The following CPSF6 variants were observed in gnomAD, a reference collection of about 807,000 sequenced individuals.
CPSF6 encodes the protein cleavage and polyadenylation specificity factor subunit 6.
CPSF6 carries 10 observed loss-of-function variants against 56.7 expected under a neutral mutation model. The ratio of observed to expected loss-of-function variants is 0.18; its 90% confidence interval spans 0.11 to 0.30. CPSF6 has a LOEUF of 0.30. Among genes scored for constraint, CPSF6 ranks in the 10% least tolerant of loss-of-function variants. The pLI, the probability that CPSF6 is intolerant of heterozygous loss-of-function variation, is 1.00. For missense variants in CPSF6, 419 were observed against 722.9 expected (o/e 0.58, Z 4.82); for synonymous variants, 248 against 244.8 (o/e 1.01, Z -0.12).
chr12:69,258,741 A>G lies in CPSF6; in HGVS notation c.846A>G (p.Gln282=), dbSNP rs915020217. ...CACCACCAGTTCTTTTTCCTGGACA[A>G]CCTTTTGGGCAGCCTCCATTGGGTC... ...RPPPPVLFPG[Q]PFGQPPLGPL... The change falls in exon 6 of 10, where the codon CAA becomes CAG. Residue 282 remains glutamine (Q), a synonymous_variant. Transcript: ENST00000435070. The surrounding 1 kb of genome is among the most constrained non-coding windows in gnomAD (Gnocchi z 4.2). The G allele has an allele frequency of 1.1e-5, 18 of 1,613,476 alleles. No homozygotes were observed. The highest frequency in any genetic ancestry group is 6.7e-5 in the East Asian group (3 of 44,872).
intron 1 of CPSF6, among the ~76,000 whole-genome samples, chr12:69,249,779 T>G (rs1872135243): frequency 6.6e-6 from 1 of 152,234 alleles, no homozygotes; most frequent in African/African-American, 2.4e-5. Context: ...TCATTTTTCA[T>G]GTACTTAGTT....
In CPSF6 at chr12:69,256,122, A is replaced by T. The variant is rs149541986; in HGVS notation, c.375-575A>T. 2.1e-3 allele frequency among the ~76,000 whole-genome samples: 324 copies of T among 152,330 alleles called. 3 individuals carry two copies. The highest frequency in any genetic ancestry group is 7.1e-3 in the African/African-American group (297 of 41,576). On this transcript the variant is annotated intron_variant, in intron 3 of 9. Transcript: ENST00000435070. The stretch of plus-strand genomic sequence containing the variant: ...ATGCTAGTTAAAGAAGGCTGGTCAC[A>T]AGGGACCTCCTATTGTATGATTCCA...
intron 1 of CPSF6, among the ~76,000 whole-genome samples, chr12:69,250,638 C>T (rs1349965784): frequency 1.0e-5 from 1 of 97,566 alleles, no homozygotes; most frequent in East Asian, 2.9e-4. Flanking sequence ...AAGGAAACCC[C>T]CTTTTTTTGT....
chr12:69,268,441 A>G (rs2120647283), intron 9 of CPSF6, among the ~76,000 whole-genome samples: 1 of 151,836 alleles, frequency 6.6e-6, no homozygotes, highest in African/African-American at 2.4e-5. Flanking sequence ...CTAGGAAAGG[A>G]CATAATAGAA....
At chr12:69,245,466 C>G (rs1014945049) in intron 1 of CPSF6, among the ~76,000 whole-genome samples, 1 of 152,110 alleles carries the variant, frequency 6.6e-6, no homozygotes, top group African/African-American at 2.4e-5. Context: ...ATTTAGGGTT[C>G]CTTGCTTTCC....
chr12:69,254,529 T>A (rs1032646229), intron 3 of CPSF6, among the ~76,000 whole-genome samples: 2 of 152,234 alleles, frequency 1.3e-5, no homozygotes, highest in African/African-American at 4.8e-5. Flanking sequence ...TCTGATATAT[T>A]TTACTCGTTT....
chr12:69,257,989 T>TA, intron 5 of CPSF6, 84 bp downstream of exon 5: 1 of 1,534,962 alleles, frequency 6.5e-7, no homozygotes, highest in Non-Finnish European at 8.9e-7. Flanking sequence ...AGTAATGCAT[T>TA]ATTAATGTGA....
At chr12:69,243,981 G>A (rs1170841940) in intron 1 of CPSF6, among the ~76,000 whole-genome samples, 4 of 152,122 alleles carry the variant, frequency 2.6e-5, no homozygotes, top group Non-Finnish European at 5.9e-5. Context: ...CTACAGGCAT[G>A]TGCCACCATG....
chr12:69,255,681 G>A (rs1213001123), intron 3 of CPSF6, among the ~76,000 whole-genome samples: 2 of 152,060 alleles, frequency 1.3e-5, no homozygotes, highest in Admixed American at 6.5e-5. Flanking sequence ...TGGGACTACA[G>A]GCACACGCCA....
chr12:69,263,774 G>A (rs969822258), intron 9 of CPSF6, among the ~76,000 whole-genome samples: 1 of 151,964 alleles, frequency 6.6e-6, no homozygotes, highest in Non-Finnish European at 1.5e-5. Context: ...TAGAAAATAA[G>A]CATGCTATTT....
At chr12:69,262,670 A>G (rs1872797945) in intron 9 of CPSF6, 108 bp downstream of exon 9, 4 of 1,220,354 alleles carry the variant, frequency 3.3e-6, no homozygotes, top group South Asian at 6.3e-5. Context: ...TGGTCCAACT[A>G]CTTGTGAATT....
chr12:69,243,202 G>A (rs1871714917), intron 1 of CPSF6, among the ~76,000 whole-genome samples: 1 of 152,152 alleles, frequency 6.6e-6, no homozygotes, highest in Non-Finnish European at 1.5e-5. Context: ...ACACTGTAGG[G>A]GAGCTGAGAG....
In CPSF6 at chr12:69,274,109, C is replaced by CTTTTTTTT. The variant is rs3051104; in HGVS notation, c.*4612_*4619dup. On this transcript the variant is annotated 3_prime_UTR_variant, in exon 10 of 10. Transcript: ENST00000435070. The stretch of plus-strand genomic sequence containing the variant: ...GTAAGGTGATAATTGATCTAATAGA[C>CTTTTTTTT]TTTTTTTTTTTTTTTTTTGCTGTCC... The CTTTTTTTT allele has an allele frequency of 1.2e-3, 137 of 119,028 alleles. 7 individuals are homozygous for CTTTTTTTT. The highest frequency in any genetic ancestry group is 3.8e-3 in the African/African-American group (117 of 30,612). 7.4% of individuals were successfully genotyped at this position (119,028 alleles called of 1,614,324 possible).
At chr12:69,240,079 C>CCGCGCCCCCTCCCCCGT (rs1454179510) in intron 1 of CPSF6, among the ~76,000 whole-genome samples, 20 of 151,648 alleles carry the variant, frequency 1.3e-4, no homozygotes, top group African/African-American at 4.8e-4. Context: ...CTGGCCGCCG[C>CCGCGCCCCCTCCCCCGT]CGCGCCCCCT....
chr12:69,274,105 T>TA lies in CPSF6; in HGVS notation c.*4598dup, dbSNP rs1873389455. 7.8e-6 allele frequency: 1 copy of TA among 127,592 alleles called. No individual in the cohort carries two copies. Among genetic ancestry groups the TA allele is most frequent in the South Asian group, 2.7e-4 (1 of 3,736 alleles). The allele number at this position is 127,592 out of a possible 1,614,324, so 7.9% of individuals were successfully genotyped here. On this transcript the variant is annotated 3_prime_UTR_variant, in exon 10 of 10. Transcript: ENST00000435070. The stretch of plus-strand genomic sequence containing the variant: ...AAAGGTAAGGTGATAATTGATCTAA[T>TA]AGACTTTTTTTTTTTTTTTTTTGCT...
intron 2 of CPSF6, 109 bp downstream of exon 2, chr12:69,251,447 CTA>C (rs1279519036): frequency 1.6e-5 from 12 of 728,560 alleles, no homozygotes; most frequent in Non-Finnish European, 2.6e-5. Flanking sequence ...CTGTGTTTTT[CTA>C]TATGTGTTTG....
At chr12:69,264,858 A>G (rs985330248) in intron 9 of CPSF6, among the ~76,000 whole-genome samples, 1 of 152,188 alleles carries the variant, frequency 6.6e-6, no homozygotes, top group African/African-American at 2.4e-5. Flanking sequence ...CCTTTTTAGA[A>G]GTTTTAAAAT....
intron 1 of CPSF6, among the ~76,000 whole-genome samples, chr12:69,249,173 A>AGGCAGGAGAAT (rs1872096160): frequency 1.4e-5 from 1 of 70,594 alleles, no homozygotes; most frequent in Non-Finnish European, 2.6e-5. Flanking sequence ...GGGGGGGCTG[A>AGGCAGGAGAAT]GGCAGGAGAA....
At position 69,273,198 on chromosome 12, in the gene CPSF6, A is replaced by C; in HGVS notation, c.*3690A>C. 1 of 517,492 alleles carries C rather than the reference A, an allele frequency of 1.9e-6. No homozygotes were observed. Among genetic ancestry groups the C allele is most frequent in the Non-Finnish European group, 4.0e-6 (1 of 253,144 alleles). 32.1% of individuals were successfully genotyped at this position (517,492 alleles called of 1,614,324 possible). A position where few individuals can be genotyped will look rare whatever the true frequency, so the allele number is the denominator to read the frequency against. ...TTCTTTCTTGGCATTAGAAAGAAGC[A>C]ATATGAATTTTTGTGAATATTCTAA... is the stretch of plus-strand genomic sequence containing the variant. On this transcript the variant is annotated 3_prime_UTR_variant, in exon 10 of 10. Transcript: ENST00000435070.
Sources: allele counts gnomAD v4.1 joint callset (sites outside exome capture counted in the v4.1 genomes callset), GRCh38; gene constraint gnomAD v4.1.1; non-coding constraint Gnocchi (gnomAD v3.1); transcripts MANE v1.5; gene names NCBI Gene and HGNC (gene_info 2026-07-23, HGNC 2026-07-21).